Variants in XKR7 observed in about 807,000 individuals in gnomAD.
XKR7 encodes the protein XK-related protein 7.
In XKR7, 11 loss-of-function variants were observed where a neutral mutation model predicts 42.2. That is an observed-to-expected ratio of 0.26 (90% CI 0.16 to 0.43). The LOEUF (loss-of-function observed/expected upper bound fraction) is 0.43. Among genes scored for constraint, XKR7 ranks in the 20% least tolerant of loss-of-function variants. The pLI is 1.00. For synonymous variants in XKR7, 346 were observed against 366.4 expected (o/e 0.94, Z 0.64); for missense variants, 710 against 802.2 (o/e 0.89, Z 1.39).
At chr20:31,977,197 T>C (rs982057033) in intron 1 of XKR7, among the ~76,000 whole-genome samples, 2 of 152,216 alleles carry the variant, frequency 1.3e-5, no homozygotes, top group Non-Finnish European at 2.9e-5. Flanking sequence ...ACTTAGGAGA[T>C]GGAGGAAGTC....
intron 2 of XKR7, 103 bp from the exon 3 acceptor site, chr20:31,996,402 C>T (rs1416902234): frequency 2.3e-6 from 2 of 857,034 alleles, no homozygotes; most frequent in South Asian, 2.1e-5. Flanking sequence ...CCTCACGCCT[C>T]TTCAAAACCC....
At chr20:31,982,615 C>T (rs2064518640) in intron 1 of XKR7, among the ~76,000 whole-genome samples, 1 of 151,884 alleles carries the variant, frequency 6.6e-6, no homozygotes, top group South Asian at 2.1e-4. Context: ...GAGATTATGT[C>T]CATGAACCTC....
chr20:31,985,375 G>A (rs772197451), intron 1 of XKR7, among the ~76,000 whole-genome samples: 17 of 152,134 alleles, frequency 1.1e-4, no homozygotes, highest in Admixed American at 9.8e-4. Flanking sequence ...TGCTGAGACC[G>A]ACAGATGGAG....
Position 31,995,123 on chromosome 20 carries a change from C to A in XKR7, c.640C>A (p.Arg214=), listed in dbSNP as rs774512693. The A allele has an allele frequency of 6.4e-7, 1 of 1,557,382 alleles. No homozygotes were observed. The highest frequency in any genetic ancestry group is 1.4e-5 in the African/African-American group (1 of 73,590). The change falls in exon 2 of 3, where the codon CGG becomes AGG. Residue 214 remains arginine, a synonymous_variant. Coordinates refer to ENST00000562532, the MANE Select transcript of XKR7 (RefSeq NM_001011718.2). The surrounding 1 kb of genome is among the most constrained non-coding windows in gnomAD (Gnocchi z 4.1). ...LQSRWRGERL[R]RHFYWQMLFE... is the part of the protein sequence containing the mutation. ...GAGCCGCTGGCGCGGGGAGCGGCTG[C>A]GGCGCCACTTCTACTGGCAGATGCT...
At chr20:31,980,444 T>A (rs1043082565) in intron 1 of XKR7, among the ~76,000 whole-genome samples, 1 of 152,176 alleles carries the variant, frequency 6.6e-6, no homozygotes, top group East Asian at 1.9e-4. Context: ...AACCCAATGT[T>A]TCCTAGAGAA....
chr20:31,988,852 A>G (rs1460320695), intron 1 of XKR7, among the ~76,000 whole-genome samples: 1 of 152,154 alleles, frequency 6.6e-6, no homozygotes, highest in African/African-American at 2.4e-5. Flanking sequence ...GCTCTTTGCA[A>G]CTTCAAGCAG....
chr20:31,971,423 T>C (rs2064465141), intron 1 of XKR7, among the ~76,000 whole-genome samples: 1 of 152,232 alleles, frequency 6.6e-6, no homozygotes, highest in Admixed American at 6.5e-5. Flanking sequence ...CTCTGGGCCC[T>C]TGCCCCCAAA....
chr20:31,976,145 T>A (rs1048110316), intron 1 of XKR7, among the ~76,000 whole-genome samples: 1 of 152,228 alleles, frequency 6.6e-6, no homozygotes, highest in Non-Finnish European at 1.5e-5. Context: ...GGTGCTCAGT[T>A]AGTGTTTGCT....
rs948917355 is a variant in XKR7, at chr20:31,994,505, G to T, written c.585-563G>T. 5.3e-5 allele frequency among the ~76,000 whole-genome samples: 8 copies of T among 152,102 alleles called. No individual in the cohort carries two copies. In the South Asian group the frequency reaches 1.7e-3, roughly 32 times the overall value. ...AAGCAGGATGATCACTTGAGATGAGGCCAGGAGTTCAAGACCAGCCTGGGC... is the reference window on the plus strand; with the variant it reads ...AAGCAGGATGATCACTTGAGATGAGTCCAGGAGTTCAAGACCAGCCTGGGC... On this transcript the variant is annotated intron_variant, in intron 1 of 2. Transcript: ENST00000562532.
rs1385507000 is a variant in XKR7 at position 32,002,916 on chromosome 20, A to C, written c.*5459A>C. 6.6e-6 allele frequency: 1 copy of C among 152,230 alleles called. No individual in the cohort carries two copies. The highest frequency in any genetic ancestry group is 1.5e-5 in the Non-Finnish European group (1 of 68,068). 9.4% of individuals were successfully genotyped at this position (152,230 alleles called of 1,614,324 possible). A position where few individuals can be genotyped will look rare whatever the true frequency, so the allele number is the denominator to read the frequency against. ...AGCATCCTATTTTACTGAAGGGGCA[A>C]GCCCAGAGATGGGAGATGGCCAGCC... On this transcript the variant is annotated 3_prime_UTR_variant, in exon 3 of 3. Transcript: ENST00000562532.
chr20:31,993,111 C>CACACACACACACACACACAT (rs144007726), intron 1 of XKR7, among the ~76,000 whole-genome samples: 19 of 150,690 alleles, frequency 1.3e-4, no homozygotes, highest in African/African-American at 4.4e-4. Flanking sequence ...CACACACACA[C>CACACACACACACACACACAT]ACACATACAC....
In XKR7 at chr20:31,998,129, G is replaced by A. The variant is rs1370614821; in HGVS notation, c.*672G>A. On this transcript the variant is annotated 3_prime_UTR_variant, in exon 3 of 3. Transcript: ENST00000562532. ...GAAGCATGGAGGGGTGGAAGACTTG[G>A]GGGAGGGGAACCTGCAATCCAGAGC... is the stretch of plus-strand genomic sequence containing the variant. 6.7e-6 allele frequency: 1 copy of A among 149,706 alleles called. No individual in the cohort carries two copies. Among genetic ancestry groups the A allele is most frequent in the Admixed American group, 6.7e-5 (1 of 15,000 alleles). The allele number at this position is 149,706 out of a possible 1,614,324, so 9.3% of individuals were successfully genotyped here. A position where few individuals can be genotyped will look rare whatever the true frequency, so the allele number is the denominator to read the frequency against.
In XKR7 at chr20:31,995,110, C is replaced by CG; in HGVS notation, c.631dup (p.Glu211GlyfsTer247). The CG allele has an allele frequency of 6.4e-7, 1 of 1,557,490 alleles. No homozygotes were observed. Among genetic ancestry groups the CG allele is most frequent in the East Asian group, 2.4e-5 (1 of 41,864 alleles). On this transcript the variant is annotated frameshift_variant, in exon 2 of 3. Coordinates refer to ENST00000562532, the MANE Select transcript of XKR7 (RefSeq NM_001011718.2). LOFTEE classifies it high-confidence loss of function. The surrounding 1 kb of genome is among the most constrained non-coding windows in gnomAD (Gnocchi z 4.1). ...ACCTGGGGCTGCAGAGCCGCTGGCG[C>CG]GGGGAGCGGCTGCGGCGCCACTTCT...
chr20:31,986,932 A>G (rs191615162), intron 1 of XKR7, among the ~76,000 whole-genome samples: 264 of 149,428 alleles, frequency 1.8e-3, no homozygotes, highest in African/African-American at 6.1e-3. Flanking sequence ...ACACAGACAA[A>G]CAGACGACCA....
At position 31,997,654 on chromosome 20, in the gene XKR7, C is replaced by T; in HGVS notation, c.*197C>T. 2 of 583,934 alleles carry T rather than the reference C, an allele frequency of 3.4e-6. No individual in the cohort carries two copies. Among genetic ancestry groups the T allele is most frequent in the Non-Finnish European group, 6.0e-6 (2 of 335,202 alleles). The allele number at this position is 583,934 out of a possible 1,614,324, so 36.2% of individuals were successfully genotyped here. On this transcript the variant is annotated 3_prime_UTR_variant, in exon 3 of 3. Transcript: ENST00000562532. Reference sequence around the variant, plus strand: ...CCCAGCCCTGGGCCCCGTTTTCAGCCTTGTGGCCCATTCCCTAAATTCCCC... The same window carrying T: ...CCCAGCCCTGGGCCCCGTTTTCAGCTTTGTGGCCCATTCCCTAAATTCCCC...
chr20:31,969,566 A>G (rs530758524), intron 1 of XKR7, among the ~76,000 whole-genome samples: 54 of 152,318 alleles, frequency 3.5e-4, no homozygotes, highest in Non-Finnish European at 7.8e-4. Context: ...TTCTAAACCT[A>G]GGGCTCCTCT....
At chr20:31,971,842 T>G (rs1395385889) in intron 1 of XKR7, among the ~76,000 whole-genome samples, 1 of 152,122 alleles carries the variant, frequency 6.6e-6, no homozygotes, top group Non-Finnish European at 1.5e-5. Flanking sequence ...AAGAGGACAT[T>G]CAGGGGCAAG....
chr20:31,997,195 C>G lies in XKR7; in HGVS notation c.1478C>G (p.Ala493Gly). The change falls in exon 3 of 3, where the codon GCA becomes GGA. Residue 493 changes from alanine to glycine, a missense_variant. Around this residue, in one of 2 missense-constraint regions of XKR7, gnomAD observed 708 missense variants for 786.2 expected, o/e 0.90. Transcript: ENST00000562532. The part of the protein sequence containing the change: ...ERDGASAGER[A>G]GTPTPPVFQV... Reference sequence around the variant, plus strand: ...GATGGGGCCTCGGCGGGAGAGCGTGCAGGGACCCCCACCCCACCTGTCTTC... The same window carrying G: ...GATGGGGCCTCGGCGGGAGAGCGTGGAGGGACCCCCACCCCACCTGTCTTC... 6.2e-7 allele frequency: 1 copy of G among 1,609,800 alleles called. No individual in the cohort carries two copies. The highest frequency in any genetic ancestry group is 8.5e-7 in the Non-Finnish European group (1 of 1,179,814).
chr20:31,983,146 A>C (rs138491880), intron 1 of XKR7, among the ~76,000 whole-genome samples: 105 of 152,098 alleles, frequency 6.9e-4, no homozygotes, highest in African/African-American at 2.4e-3. Flanking sequence ...AAGTATAATC[A>C]CTCTCTTCAT....
Sources: gnomAD v4.1 joint callset for allele counts (sites outside exome capture counted in the v4.1 genomes callset) on GRCh38, gnomAD v4.1.1 for gene constraint, gnomAD v4.1.1 regional missense constraint, Gnocchi (gnomAD v3.1) non-coding constraint, MANE v1.5 for transcripts, NCBI Gene and HGNC (gene_info 2026-07-23, HGNC 2026-07-21) for gene names.